Variants in HSF4 observed in about 807,000 individuals in gnomAD.
HSF4 encodes the protein heat shock transcription factor 4, also known as heat shock factor protein 4.
A neutral mutation model predicts 52.0 loss-of-function variants in HSF4; 41 were observed. The observed-to-expected ratio is 0.79, with a 90% confidence interval of 0.61 to 1.02. HSF4 has a LOEUF of 1.02. HSF4 is among the 50% of genes least tolerant of loss of function. The pLI is 0.00. For missense variants in HSF4, 610 were observed against 651.1 expected (o/e 0.94, Z 0.69); for synonymous variants, 285 against 273.0 (o/e 1.04, Z -0.43).
At chr16:67,163,881 G>GA (rs397745266), upstream of HSF4, 16 of 1,525,808 alleles carry the variant, frequency 1.0e-5, no homozygotes, top group Non-Finnish European at 1.3e-5. Context: ...AACGGGGGGG[G>GA]TGTCCAGGCG....
At chr16:67,164,498 G>A (rs2031089681), upstream of HSF4, 2 of 589,390 alleles carry the variant, frequency 3.4e-6, no homozygotes, top group Non-Finnish European at 6.4e-6. Flanking sequence ...GAACAAAGAA[G>A]GAAATAGAGG....
chr16:67,167,628 G>A, intron 8 of HSF4, 29 bp downstream of exon 8: 2 of 1,612,600 alleles, frequency 1.2e-6, no homozygotes, highest in Non-Finnish European at 1.7e-6. Context: ...CCCCTGAGGG[G>A]CCTGTGGGGG....
rs749464258 is a variant in HSF4, at chr16:67,169,380, A to G, written c.1324+32A>G. 11 of 1,604,702 alleles carry G rather than the reference A, an allele frequency of 6.9e-6. No homozygotes were observed. The highest frequency in any genetic ancestry group is 8.5e-6 in the Non-Finnish European group (10 of 1,175,518). On this transcript the variant is annotated intron_variant, in intron 12 of 12. Coordinates refer to ENST00000521374, the MANE Select transcript of HSF4 (RefSeq NM_001374675.1). The surrounding 1 kb of genome is among the most constrained non-coding windows in gnomAD (Gnocchi z 4.3). ...GTTGTGATGACTCCTACCTGGGAGG[A>G]CGCCGTGATTGGGCTGAGCTACCTT... is the stretch of plus-strand genomic sequence containing the variant.
rs2031593063 is a variant in HSF4, at chr16:67,169,522, A to G, written c.1325-109A>G. Reference sequence around the variant, plus strand: ...ATTGGGCGAGAGTGGGGAGGTTAAGAATGGATGTTTTATCCTAACTGAGCA... The same window carrying G: ...ATTGGGCGAGAGTGGGGAGGTTAAGGATGGATGTTTTATCCTAACTGAGCA... On this transcript the variant is annotated intron_variant, in intron 12 of 12. Transcript: ENST00000521374. This position sits in a 1 kb window ranked among gnomAD's most constrained non-coding sequence, Gnocchi z 4.3. 2.5e-6 allele frequency: 4 copies of G among 1,595,366 alleles called. No homozygotes were observed. Among genetic ancestry groups the G allele is most frequent in the South Asian group, 1.1e-5 (1 of 90,388 alleles).
At chr16:67,164,064 C>T (rs1409726789), upstream of HSF4, 12 of 705,810 alleles carry the variant, frequency 1.7e-5, no homozygotes, top group South Asian at 9.0e-5. Flanking sequence ...CCTCTCTTGC[C>T]TCCACCCCTC....
intron 1 of HSF4, 44 bp downstream of exon 1, chr16:67,164,978 C>T: frequency 6.5e-7 from 1 of 1,544,116 alleles, no homozygotes; most frequent in Non-Finnish European, 8.7e-7. Flanking sequence ...TCCCGGGGTC[C>T]CTCCACGTCA....
At chr16:67,166,278 C>A in intron 4 of HSF4, 42 bp from the exon 5 acceptor site, 2 of 1,575,004 alleles carry the variant, frequency 1.3e-6, no homozygotes, top group Non-Finnish European at 1.7e-6. Context: ...GGTGACTGGG[C>A]GAACTCTCAG....
At chr16:67,166,269 G>A in intron 4 of HSF4, 51 bp from the exon 5 acceptor site, 1 of 1,549,230 alleles carries the variant, frequency 6.5e-7, no homozygotes. Flanking sequence ...GTGGGGGGTG[G>A]TGACTGGGCG....
At position 67,169,422 on chromosome 16, in the gene HSF4, A is replaced by T. The variant is rs1027109674; in HGVS notation, c.1324+74A>T. The T allele has an allele frequency of 3.2e-6, 5 of 1,576,976 alleles. No individual in the cohort carries two copies. Among genetic ancestry groups the T allele is most frequent in the Admixed American group, 1.9e-5 (1 of 54,040 alleles). On this transcript the variant is annotated intron_variant, in intron 12 of 12. Transcript: ENST00000521374. This position sits in a 1 kb window ranked among gnomAD's most constrained non-coding sequence, Gnocchi z 4.3. ...AGCTACCTTGATTGAGTGAGGGGGC[A>T]ATCTGCAATTTGCAGGGAAATCCTG... is the stretch of plus-strand genomic sequence containing the variant.
In HSF4 at chr16:67,168,923, C is replaced by T. The variant is rs2145927416; in HGVS notation, c.1175C>T (p.Ala392Val). 1 of 1,614,000 alleles carries T rather than the reference C, an allele frequency of 6.2e-7. No homozygotes were observed. Among genetic ancestry groups the T allele is most frequent in the Non-Finnish European group, 8.5e-7 (1 of 1,179,932 alleles). Residue 392 changes from alanine (A) to valine (V), a missense_variant, in exon 10 of 13, where the codon GCA becomes GTA. By Grantham distance (64) the Ala-to-Val change is moderately conservative. Coordinates refer to ENST00000521374, the MANE Select transcript of HSF4 (RefSeq NM_001374675.1). ...LQPPQESVEP[A>V]GPLDVLGPSL... ...CCCCCTCAAGAAAGTGTGGAACCTG[C>T]AGGGCCTCTAGATGTGAGTACCCCT...
intron 9 of HSF4, among the ~76,000 whole-genome samples, chr16:67,168,360 G>A (rs912775016): frequency 3.3e-5 from 5 of 152,138 alleles, no homozygotes; most frequent in African/African-American, 1.2e-4. Flanking sequence ...TGTAGTCCCA[G>A]CTACTCAGGA....
At position 67,168,906 on chromosome 16, in the gene HSF4, A is replaced by T. The variant is rs767565511; in HGVS notation, c.1158A>T (p.Gln386His). 6.2e-7 allele frequency: 1 copy of T among 1,613,962 alleles called. No homozygotes were observed. Among genetic ancestry groups the T allele is most frequent in the African/African-American group, 1.3e-5 (1 of 74,918 alleles). ...CTCCGATGCTGCTTCAGCCCCCTCA[A>T]GAAAGTGTGGAACCTGCAGGGCCTC... is the stretch of plus-strand genomic sequence containing the variant. ...LLPPMLLQPP[Q>H]ESVEPAGPLD... The change falls in exon 10 of 13, where the codon CAA (glutamine) becomes CAT (histidine). Residue 386 changes from glutamine (Q) to histidine (H), a missense_variant. By Grantham distance (24) the Gln-to-His change is conservative. Coordinates refer to ENST00000521374, the MANE Select transcript of HSF4 (RefSeq NM_001374675.1).
In HSF4 at chr16:67,169,765, G is replaced by T. The variant is rs764649959; in HGVS notation, c.1459G>T (p.Glu487Ter). ...ESRTASYLGPEASPSP is the reference protein window; with the variant it reads ...ESRTASYLGP ...CCGGACTGCCTCCTACTTGGGCCCGGAAGCCAGTCCCTCCCCCTAAGACCC... is the reference window on the plus strand; with the variant it reads ...CCGGACTGCCTCCTACTTGGGCCCGTAAGCCAGTCCCTCCCCCTAAGACCC... The change falls in exon 13 of 13, where the codon GAA becomes TAA. Residue 487 changes from glutamate (E) to a stop codon, truncating the protein, a stop_gained. Coordinates refer to ENST00000521374, the MANE Select transcript of HSF4 (RefSeq NM_001374675.1). LOFTEE classifies it high-confidence loss of function. The surrounding 1 kb of genome is among the most constrained non-coding windows in gnomAD (Gnocchi z 4.3). The T allele has an allele frequency of 6.2e-7, 1 of 1,612,996 alleles. No individual in the cohort carries two copies.
intron 5 of HSF4, 42 bp from the exon 6 acceptor site, chr16:67,166,516 G>C (rs754860432): frequency 1.2e-6 from 2 of 1,609,202 alleles, no homozygotes; most frequent in East Asian, 2.2e-5. Context: ...GGGTGGGGGG[G>C]CTGTGTCCAA....
Position 67,169,084 on chromosome 16 carries a change from G to A in HSF4, c.1237G>A (p.Asp413Asn), listed in dbSNP as rs1372674303. 9 of 1,613,430 alleles carry A rather than the reference G, an allele frequency of 5.6e-6. No homozygotes were observed. Among genetic ancestry groups the A allele is most frequent in the Non-Finnish European group, 6.8e-6 (8 of 1,180,018 alleles). The change falls in exon 11 of 13, where the codon GAC (aspartate) becomes AAC (asparagine). Residue 413 changes from aspartate (D) to asparagine (N), a missense_variant. Physicochemically the swap from Asp to Asn is conservative, Grantham distance 23 (BLOSUM62 1). Transcript: ENST00000521374. The surrounding 1 kb of genome is among the most constrained non-coding windows in gnomAD (Gnocchi z 4.3). ...QGREWTLMDLDMELSLMQPLV... is the reference protein window; with the variant it reads ...QGREWTLMDLNMELSLMQPLV... Reference sequence around the variant, plus strand: ...GCGAGAATGGACCCTGATGGACTTGGACATGGAGCTGTCCTTGGTAAGAAG... The same window carrying A: ...GCGAGAATGGACCCTGATGGACTTGAACATGGAGCTGTCCTTGGTAAGAAG...
Position 67,169,860 on chromosome 16 carries a change from CG to C in HSF4, c.*80del. The C allele has an allele frequency of 1.3e-6, 2 of 1,535,442 alleles. No individual in the cohort carries two copies. The highest frequency in any genetic ancestry group is 3.3e-5 in the Admixed American group (2 of 59,870). On this transcript the variant is annotated 3_prime_UTR_variant, in exon 13 of 13. Transcript: ENST00000521374. This position sits in a 1 kb window ranked among gnomAD's most constrained non-coding sequence, Gnocchi z 4.3. The stretch of plus-strand genomic sequence containing the variant: ...TTCTTGGCTTCCTGGCGCCCCCTAT[CG>C]GGGGTGAGCGAAGCCCCCACTACTA...
Position 67,167,824 on chromosome 16 carries a change from C to T in HSF4, c.959C>T (p.Ala320Val). The change falls in exon 9 of 13, where the codon GCC becomes GTC. Residue 320 changes from alanine to valine, a missense_variant. Physicochemically the swap from Ala to Val is moderately conservative, Grantham distance 64 (BLOSUM62 0). Transcript: ENST00000521374. The part of the protein sequence containing the change: ...APNECDFCVT[A>V]PPPLPVAVVQ... The stretch of plus-strand genomic sequence containing the variant: ...AACGAGTGTGACTTCTGCGTGACAG[C>T]CCCCCCGCCACTGCCTGTGGCTGTG... 4 of 1,593,504 alleles carry T rather than the reference C, an allele frequency of 2.5e-6. No homozygotes were observed. Among genetic ancestry groups the T allele is most frequent in the East Asian group, 2.3e-5 (1 of 43,864 alleles).
rs1403670095 is a variant in HSF4 at position 67,165,433 on chromosome 16, G to T, written c.124-89G>T. On this transcript the variant is annotated intron_variant, in intron 1 of 12. Coordinates refer to ENST00000521374, the MANE Select transcript of HSF4 (RefSeq NM_001374675.1). The surrounding 1 kb of genome is among the most constrained non-coding windows in gnomAD (Gnocchi z 6.9). ...CCCAAGAGTGAGCATGAGTGTGTGCGCGCGCTGGAGCGCAGGACTGGCCGT... is the reference window on the plus strand; with the variant it reads ...CCCAAGAGTGAGCATGAGTGTGTGCTCGCGCTGGAGCGCAGGACTGGCCGT... 4.2e-6 allele frequency: 5 copies of T among 1,185,438 alleles called. No individual in the cohort carries two copies. The highest frequency in any genetic ancestry group is 6.3e-6 in the Non-Finnish European group (5 of 794,882). 73.4% of individuals were successfully genotyped at this position (1,185,438 alleles called of 1,614,324 possible). A position where few individuals can be genotyped will look rare whatever the true frequency, so the allele number is the denominator to read the frequency against.
At chr16:67,163,777 T>G (rs1290781398), upstream of HSF4, 1 of 1,570,496 alleles carries the variant, frequency 6.4e-7, no homozygotes, top group Admixed American at 1.9e-5. Context: ...ACCCTCAAGC[T>G]CACGCGCGAG....
Sources: allele counts gnomAD v4.1 joint callset (sites outside exome capture counted in the v4.1 genomes callset), GRCh38; gene constraint gnomAD v4.1.1; non-coding constraint Gnocchi (gnomAD v3.1); transcripts MANE v1.5; gene names NCBI Gene and HGNC (gene_info 2026-07-23, HGNC 2026-07-21).